The following TIMMDC1 variants were observed in gnomAD, a reference collection of about 807,000 sequenced individuals.
TIMMDC1 encodes complex I assembly factor TIMMDC1, mitochondrial.
Under a neutral mutation model 32.6 loss-of-function variants are expected in TIMMDC1, and 25 were observed. The ratio of observed to expected loss-of-function variants is 0.77; its 90% confidence interval spans 0.56 to 1.07. The LOEUF (loss-of-function observed/expected upper bound fraction) is 1.07. Among genes scored for constraint, TIMMDC1 ranks in the 50% least tolerant of loss-of-function variants. The pLI is 0.00. For missense variants in TIMMDC1, 329 were observed against 349.2 expected, an observed-to-expected ratio of 0.94 and a Z score of 0.46; for synonymous variants, 130 against 127.6, an observed-to-expected ratio of 1.02 and a Z score of -0.13.
rs2082048151 is a variant in TIMMDC1, at chr3:119,523,957, A to G, written c.*201A>G. The G allele has an allele frequency of 2.3e-6, 1 of 432,552 alleles. No homozygotes were observed. The highest frequency in any genetic ancestry group is 2.0e-5 in the African/African-American group (1 of 50,050). The allele number at this position is 432,552 out of a possible 1,614,324, so 26.8% of individuals were successfully genotyped here. ...TGTACTCTCACTTTACTTATCCTTA[A>G]ATTTAAATACATACTTATGTTTGTA... On this transcript the variant is annotated 3_prime_UTR_variant, in exon 7 of 7. Transcript: ENST00000494664.
intron 4 of TIMMDC1, among the ~76,000 whole-genome samples, chr3:119,507,269 G>A (rs2081924407): frequency 6.6e-6 from 1 of 152,068 alleles, no homozygotes; most frequent in Admixed American, 6.5e-5. Context: ...TATACCTTTT[G>A]TAATTGTTTC....
At chr3:119,500,343 GA>G in intron 1 of TIMMDC1, 1 of 167,346 alleles carries the variant, frequency 6.0e-6, no homozygotes, top group Non-Finnish European at 1.3e-5. Context: ...AATGCATTTC[GA>G]AAAATGTGCC....
At chr3:119,523,148 C>A (rs2082040549) in intron 6 of TIMMDC1, among the ~76,000 whole-genome samples, 1 of 152,142 alleles carries the variant, frequency 6.6e-6, no homozygotes, top group Non-Finnish European at 1.5e-5. Context: ...TTTGTTCTAT[C>A]TGACTTTTCT....
intron 6 of TIMMDC1, among the ~76,000 whole-genome samples, chr3:119,520,261 AGAGCT>A (rs1404555860): frequency 6.6e-6 from 1 of 152,020 alleles, no homozygotes; most frequent in East Asian, 1.9e-4. Context: ...AGATCAGAGC[AGAGCT>A]AAGTGAAATA....
rs1357274163 is a variant in TIMMDC1 at position 119,498,633 on chromosome 3, T to C, written c.-101T>C. 25 of 1,206,984 alleles carry C rather than the reference T, an allele frequency of 2.1e-5. No individual in the cohort carries two copies. Among genetic ancestry groups the C allele is most frequent in the Non-Finnish European group, 2.8e-5 (24 of 844,254 alleles). The allele number at this position is 1,206,984 out of a possible 1,614,324, so 74.8% of individuals were successfully genotyped here. On this transcript the variant is annotated 5_prime_UTR_variant, in exon 1 of 7. It removes an upstream start codon present in the reference 5' UTR. Coordinates refer to ENST00000494664, the MANE Select transcript of TIMMDC1 (RefSeq NM_016589.4). ...TGGCAGAGGGTTAACCTGGGTCAAA[T>C]GCACGGATTCTCACCTCGTACAGTT...
intron 2 of TIMMDC1, among the ~76,000 whole-genome samples, chr3:119,502,456 C>T (rs60671082): frequency 0.16 from 19,352 of 120,338 alleles, 1,480 homozygotes; most frequent in South Asian, 0.24. Flanking sequence ...TCTCAGAGTC[C>T]TCAGCTCAAG....
At chr3:119,500,581 C>T in intron 1 of TIMMDC1, 114 bp from the exon 2 acceptor site, 1 of 898,524 alleles carries the variant, frequency 1.1e-6, no homozygotes. Context: ...AGAATTCTAC[C>T]TATGATGAAA....
Position 119,523,702 on chromosome 3 carries a change from A to C in TIMMDC1, c.804A>C (p.Ala268=), listed in dbSNP as rs770318896. The C allele has an allele frequency of 6.2e-7, 1 of 1,613,482 alleles. No homozygotes were observed. Among genetic ancestry groups the C allele is most frequent in the East Asian group, 2.2e-5 (1 of 44,868 alleles). Residue 268 remains alanine, a synonymous_variant, in exon 7 of 7, where the codon GCA becomes GCC. Coordinates refer to ENST00000494664, the MANE Select transcript of TIMMDC1 (RefSeq NM_016589.4). ...EPENDAKKIE[A]LLNLPRNPSV... ...AGAATGATGCTAAGAAAATTGAAGC[A>C]CTGCTAAACCTTCCTAGAAACCCTT...
chr3:119,508,806 G>A (rs2081934857), intron 4 of TIMMDC1, among the ~76,000 whole-genome samples: 2 of 152,180 alleles, frequency 1.3e-5, no homozygotes, highest in South Asian at 4.1e-4. Context: ...GTACCTCTTG[G>A]TACTTTGGCA....
chr3:119,512,834 G>T (rs1181205323), intron 4 of TIMMDC1, among the ~76,000 whole-genome samples: 1 of 152,058 alleles, frequency 6.6e-6, no homozygotes, highest in Non-Finnish European at 1.5e-5. Context: ...TCCGCCTCTG[G>T]GGTTCAAACA....
At chr3:119,516,477 ATTTTCT>A (rs1280029833) in intron 5 of TIMMDC1, among the ~76,000 whole-genome samples, 2 of 152,088 alleles carry the variant, frequency 1.3e-5, no homozygotes, top group Non-Finnish European at 2.9e-5. Context: ...TGTATGTTAC[ATTTTCT>A]TTAACCATCT....
At chr3:119,513,090 C>T (rs1312062772) in intron 4 of TIMMDC1, among the ~76,000 whole-genome samples, 2 of 152,198 alleles carry the variant, frequency 1.3e-5, no homozygotes, top group African/African-American at 4.8e-5. Flanking sequence ...GCATTAGTTG[C>T]ATTGTGCATA....
In TIMMDC1 at chr3:119,503,569, G is replaced by A. The variant is rs1577096038; in HGVS notation, c.398G>A (p.Arg133His). The A allele has an allele frequency of 1.2e-6, 2 of 1,612,366 alleles. No individual in the cohort carries two copies. Among genetic ancestry groups the A allele is most frequent in the Non-Finnish European group, 1.7e-6 (2 of 1,179,518 alleles). ...CGTGCTGCCACACGAGGCTTCATTC[G>A]TTATGGCTGGCGCTGGGGTTGGAGA... ...AHRAATRGFI[R>H]YGWRWGWRTA... Residue 133 changes from arginine to histidine, a missense_variant, in exon 3 of 7, where the codon CGT becomes CAT. Coordinates refer to ENST00000494664, the MANE Select transcript of TIMMDC1 (RefSeq NM_016589.4).
chr3:119,520,943 A>G (rs1299137485), intron 6 of TIMMDC1, among the ~76,000 whole-genome samples: 1 of 152,212 alleles, frequency 6.6e-6, no homozygotes, highest in East Asian at 1.9e-4. Flanking sequence ...ACACAAATCA[A>G]TAAATGTGTT....
chr3:119,518,213 G>A (rs975279741), intron 6 of TIMMDC1, among the ~76,000 whole-genome samples: 6 of 152,130 alleles, frequency 3.9e-5, no homozygotes, highest in African/African-American at 1.4e-4. Flanking sequence ...GATTCAATAT[G>A]TAAGATGAAT....
At chr3:119,501,774 C>T (rs891401708) in intron 2 of TIMMDC1, among the ~76,000 whole-genome samples, 5 of 152,080 alleles carry the variant, frequency 3.3e-5, no homozygotes, top group African/African-American at 1.2e-4. Context: ...GCCTGTTATG[C>T]TGCTTTGGTC....
At chr3:119,515,605 G>T (rs77163780) in intron 5 of TIMMDC1, among the ~76,000 whole-genome samples, 2 of 152,304 alleles carry the variant, frequency 1.3e-5, no homozygotes, top group Non-Finnish European at 2.9e-5. Context: ...TATTTGGGGG[G>T]ACCACTTTAG....
At chr3:119,505,514 C>T (rs1043924521) in intron 4 of TIMMDC1, among the ~76,000 whole-genome samples, 6 of 152,080 alleles carry the variant, frequency 3.9e-5, no homozygotes, top group South Asian at 2.1e-4. Context: ...TACAGGCATG[C>T]GCCACCATTC....
At chr3:119,512,941 A>G (rs1335156861) in intron 4 of TIMMDC1, among the ~76,000 whole-genome samples, 2 of 152,030 alleles carry the variant, frequency 1.3e-5, no homozygotes, top group Admixed American at 1.3e-4. Flanking sequence ...GGGTTTTGCC[A>G]TGTTGTCCAG....
Sources: gnomAD v4.1 joint callset for allele counts (sites outside exome capture counted in the v4.1 genomes callset) on GRCh38, gnomAD v4.1.1 for gene constraint, MANE v1.5 for transcripts, NCBI Gene and HGNC (gene_info 2026-07-23, HGNC 2026-07-21) for gene names.